Variants in NRG3 observed in about 807,000 individuals in gnomAD.
The protein encoded by NRG3 is pro-neuregulin-3, membrane-bound isoform.
NRG3 carries 31 observed loss-of-function variants against 66.9 expected under a neutral mutation model. The observed-to-expected ratio is 0.46, with a 90% CI of 0.35 to 0.63. The LOEUF (loss-of-function observed/expected upper bound fraction) is 0.63, where lower values mean the gene tolerates loss of function less well. NRG3 is among the 20% of genes least tolerant of loss of function. The probability of loss-of-function intolerance (pLI) is 0.00; values close to 1 mark genes in which losing one functional copy is unlikely to be tolerated. For missense variants in NRG3, 910 were observed against 878.9 expected, an observed-to-expected ratio of 1.04 and a Z score of -0.45; for synonymous variants, 393 against 359.4, an observed-to-expected ratio of 1.09 and a Z score of -1.06.
intron 2 of NRG3, among the ~76,000 whole-genome samples, chr10:82,583,151 T>C (rs760373375): frequency 8.5e-5 from 13 of 152,098 alleles, no homozygotes; most frequent in East Asian, 1.9e-4. Flanking sequence ...GATTAAAAAA[T>C]AGTGACAAAA....
intron 1 of NRG3, among the ~76,000 whole-genome samples, chr10:82,344,407 G>A (rs1032017783): frequency 6.7e-5 from 10 of 150,168 alleles, no homozygotes; most frequent in African/African-American, 1.3e-4. Context: ...CATTTTTTAC[G>A]GCTACATAGT....
At chr10:82,757,151 T>C (rs78824452) in intron 3 of NRG3, among the ~76,000 whole-genome samples, 2,805 of 152,186 alleles carry the variant, frequency 0.018, 91 homozygotes, top group African/African-American at 0.06. Flanking sequence ...CTTAGACTTA[T>C]GTTTATACTC....
chr10:82,500,153 T>A (rs1447406539), intron 2 of NRG3, among the ~76,000 whole-genome samples: 1 of 151,988 alleles, frequency 6.6e-6, no homozygotes, highest in Non-Finnish European at 1.5e-5. Flanking sequence ...ATGTAGTAGG[T>A]CATCTCTGAG....
intron 1 of NRG3, among the ~76,000 whole-genome samples, chr10:81,903,144 T>A (rs563050970): frequency 5.9e-5 from 9 of 152,316 alleles, no homozygotes; most frequent in African/African-American, 1.9e-4. Flanking sequence ...TCTTCACTTA[T>A]ACTCTAAAAT....
At chr10:82,906,633 T>C (rs1039782370) in intron 4 of NRG3, among the ~76,000 whole-genome samples, 1 of 152,182 alleles carries the variant, frequency 6.6e-6, no homozygotes, top group Non-Finnish European at 1.5e-5. Context: ...AATTAAAACA[T>C]GTCCAGTAGG....
At chr10:82,848,716 C>T (rs114914089) in intron 3 of NRG3, among the ~76,000 whole-genome samples, 2,306 of 152,236 alleles carry the variant, frequency 0.015, 52 homozygotes, top group African/African-American at 0.048. Context: ...CCATAATCCC[C>T]ACATATCATG....
chr10:82,900,601 T>C (rs988313236), intron 4 of NRG3, among the ~76,000 whole-genome samples: 3 of 152,198 alleles, frequency 2.0e-5, no homozygotes, highest in Non-Finnish European at 2.9e-5. Flanking sequence ...ACAGTACTTA[T>C]ATTATGTCAG....
At chr10:82,699,682 G>C (rs915346) in intron 2 of NRG3, among the ~76,000 whole-genome samples, 4,128 of 152,148 alleles carry the variant, frequency 0.027, 193 homozygotes, top group African/African-American at 0.094. Flanking sequence ...CAGAGAGACT[G>C]TCTCTCTTAT....
chr10:82,207,315 A>G (rs1345684510), intron 1 of NRG3, among the ~76,000 whole-genome samples: 1 of 152,244 alleles, frequency 6.6e-6, no homozygotes, highest in South Asian at 2.1e-4. Context: ...GGGAAAATAT[A>G]TATTTATTTG....
chr10:82,742,457 C>T (rs1048042882), intron 3 of NRG3, among the ~76,000 whole-genome samples: 15 of 152,020 alleles, frequency 9.9e-5, no homozygotes, highest in Admixed American at 2.6e-4. Context: ...GAGGATCAAT[C>T]TTATAAAGTG....
intron 2 of NRG3, among the ~76,000 whole-genome samples, chr10:82,379,062 A>G (rs1245907924): frequency 6.6e-6 from 1 of 152,052 alleles, no homozygotes; most frequent in Non-Finnish European, 1.5e-5. Flanking sequence ...CTTTCTCCAA[A>G]TCCTGATAAG....
At chr10:82,785,277 C>T (rs2060306220) in intron 3 of NRG3, among the ~76,000 whole-genome samples, 1 of 151,806 alleles carries the variant, frequency 6.6e-6, no homozygotes, top group South Asian at 2.1e-4. Flanking sequence ...ATGGGTGCAG[C>T]ACACCAGCAT....
intron 2 of NRG3, among the ~76,000 whole-genome samples, chr10:82,362,335 G>T (rs112511338): frequency 2.4e-5 from 1 of 42,056 alleles, no homozygotes; most frequent in Admixed American, 2.5e-4. Context: ...ATATATATAT[G>T]TGTGTGTGTG....
At chr10:82,384,539 C>T (rs2085850951) in intron 2 of NRG3, among the ~76,000 whole-genome samples, 1 of 152,126 alleles carries the variant, frequency 6.6e-6, no homozygotes, top group African/African-American at 2.4e-5. Flanking sequence ...ATTTGGTTTT[C>T]TGTTTCTGCA....
At chr10:82,984,642 C>T in intron 8 of NRG3, 1 of 725,464 alleles carries the variant, frequency 1.4e-6, no homozygotes, top group South Asian at 2.2e-5. Context: ...CTAGGGTGGC[C>T]ACAACAAGTC....
chr10:82,860,221 T>G (rs1430406170), intron 3 of NRG3, among the ~76,000 whole-genome samples: 1 of 152,164 alleles, frequency 6.6e-6, no homozygotes, highest in East Asian at 1.9e-4. Flanking sequence ...ACAGTTGTCT[T>G]CCTTTGTCTG....
chr10:82,816,114 A>G (rs957242295), intron 3 of NRG3, among the ~76,000 whole-genome samples: 4 of 152,228 alleles, frequency 2.6e-5, no homozygotes, highest in African/African-American at 9.6e-5. Flanking sequence ...GGGATCCCCT[A>G]TGTCTGGGCT....
intron 1 of NRG3, among the ~76,000 whole-genome samples, chr10:82,124,007 G>T (rs774749968): frequency 2.0e-5 from 3 of 151,986 alleles, no homozygotes; most frequent in Non-Finnish European, 4.4e-5. Flanking sequence ...GTCAAGAAAA[G>T]ATCAAATCCT....
chr10:82,539,608 A>C (rs1018496239), intron 2 of NRG3, among the ~76,000 whole-genome samples: 1 of 151,490 alleles, frequency 6.6e-6, no homozygotes, highest in Non-Finnish European at 1.5e-5. Flanking sequence ...ACCAGCTCCC[A>C]TCTTGACTGC....
Sources: allele counts gnomAD v4.1 joint callset (sites outside exome capture counted in the v4.1 genomes callset), GRCh38; gene constraint gnomAD v4.1.1; transcripts MANE v1.5; gene names NCBI Gene and HGNC (gene_info 2026-07-23, HGNC 2026-07-21).